GOLGA5: variants seen among roughly 807,000 people sequenced by gnomAD.
GOLGA5 encodes the protein golgin A5.
A neutral mutation model predicts 93.5 loss-of-function variants in GOLGA5; 50 were observed. The ratio of observed to expected loss-of-function variants is 0.53; its 90% CI spans 0.43 to 0.68. GOLGA5 has a LOEUF of 0.68. Among genes scored for constraint, GOLGA5 ranks in the 30% least tolerant of loss-of-function variants. The probability of loss-of-function intolerance (pLI) is 0.00; values close to 1 mark genes in which losing one functional copy is unlikely to be tolerated. For synonymous variants in GOLGA5, 312 were observed against 304.5 expected (o/e 1.02, Z -0.26); for missense variants, 760 against 856.4 (o/e 0.89, Z 1.40).
At chr14:92,812,120 C>CT (rs1310887744) in intron 6 of GOLGA5, among the ~76,000 whole-genome samples, 1 of 152,174 alleles carries the variant, frequency 6.6e-6, no homozygotes, top group Non-Finnish European at 1.5e-5. Context: ...TCTCACCCAG[C>CT]TTTTTTTCCC....
At chr14:92,823,498 C>T (rs770118857) in intron 8 of GOLGA5, among the ~76,000 whole-genome samples, 3 of 151,418 alleles carry the variant, frequency 2.0e-5, no homozygotes, top group African/African-American at 4.9e-5. Context: ...ACTGCAGCCT[C>T]GACCTCCTCA....
chr14:92,833,135 C>T lies in GOLGA5; in HGVS notation c.1733C>T (p.Thr578Ile). The change falls in exon 10 of 13, where the codon ACT becomes ATT. Residue 578 changes from threonine (T) to isoleucine (I), a missense_variant. Physicochemically the swap from Thr to Ile is moderately conservative, Grantham distance 89. Transcript: ENST00000163416. ...TTTCTCTTTCAGCTTACCAATAAAA[C>T]TTTAAGCAATAGCAGTCAGTCTGAG... ...QKLRNQLTNK[T>I]LSNSSQSELE... The T allele has an allele frequency of 4.6e-6, 7 of 1,529,968 alleles. No individual in the cohort carries two copies. The highest frequency in any genetic ancestry group is 6.3e-6 in the Non-Finnish European group (7 of 1,104,716). The allele number at this position is 1,529,968 out of a possible 1,614,324, so 94.8% of individuals were successfully genotyped here. A position where few individuals can be genotyped will look rare whatever the true frequency, so the allele number is the denominator to read the frequency against.
At chr14:92,811,509 G>A (rs963552783) in intron 5 of GOLGA5, 42 bp from the exon 6 acceptor site, 3 of 1,257,434 alleles carry the variant, frequency 2.4e-6, no homozygotes, top group African/African-American at 1.5e-5. Flanking sequence ...ATGTTTCAAA[G>A]CTAAATGATA....
chr14:92,833,282 A>G lies in GOLGA5; in HGVS notation c.1880A>G (p.Asn627Ser), dbSNP rs1456574436. 5.0e-6 allele frequency: 8 copies of G among 1,613,986 alleles called. No homozygotes were observed. The South Asian group carries it at 8.8e-5, about 18-fold the overall frequency. The change falls in exon 10 of 13, where the codon AAC (asparagine) becomes AGC (serine). Residue 627 changes from asparagine to serine, a missense_variant. Physicochemically the swap from Asn to Ser is conservative, Grantham distance 46. Transcript: ENST00000163416. ...CTGGAGCGCCTCGAACAGCAGATGA[A>G]CTCCGCCTCTGGAAGTAGTAGTAAT... is the stretch of plus-strand genomic sequence containing the variant. ...FQLERLEQQM[N>S]SASGSSSNGS...
intron 2 of GOLGA5, among the ~76,000 whole-genome samples, chr14:92,803,798 T>G (rs1224843243): frequency 6.6e-6 from 1 of 152,260 alleles, no homozygotes; most frequent in Non-Finnish European, 1.5e-5. Context: ...CTGGCATATA[T>G]TGAATCCTTA....
chr14:92,797,342 C>T (rs1266352540), intron 1 of GOLGA5, 66 bp from the exon 2 acceptor site: 2 of 911,996 alleles, frequency 2.2e-6, no homozygotes, highest in Non-Finnish European at 3.3e-6. Context: ...ACTCCAGAGT[C>T]TGGTCTTAAC....
intron 1 of GOLGA5, among the ~76,000 whole-genome samples, chr14:92,795,857 A>G (rs1382616803): frequency 2.0e-5 from 3 of 152,270 alleles, no homozygotes; most frequent in Non-Finnish European, 2.9e-5. Flanking sequence ...AGTGAAGACC[A>G]AGAACAAGAA....
Position 92,802,727 on chromosome 14 carries a change from A to AATTTATTTATTTTTAATAAATCAATTT in GOLGA5, c.545-3990_545-3964dup, listed in dbSNP as rs1266861229. Reference sequence around the variant, plus strand: ...TTAATATTAATATAGTATACAAATCAATTTATTTATTTTTAATAAATCAAT... The same window carrying AATTTATTTATTTTTAATAAATCAATTT: ...TTAATATTAATATAGTATACAAATCAATTTATTTATTTTTAATAAATCAATTTATTTATTTATTTTTAATAAATCAAT... On this transcript the variant is annotated intron_variant, in intron 2 of 12. Transcript: ENST00000163416. 3.2e-3 allele frequency among the ~76,000 whole-genome samples: 485 copies of AATTTATTTATTTTTAATAAATCAATTT among 151,262 alleles called. 1 individual carries two copies. Among genetic ancestry groups the AATTTATTTATTTTTAATAAATCAATTT allele is most frequent in the Middle Eastern group, 0.014 (4 of 294 alleles).
In GOLGA5 at chr14:92,799,836, AC is replaced by A. The variant is rs1448353400; in HGVS notation, c.544+1857del. 2.7e-5 allele frequency among the ~76,000 whole-genome samples: 4 copies of A among 146,036 alleles called. No homozygotes were observed. In the East Asian group the frequency reaches 8.4e-4, roughly 31 times the overall value. ...TGGCCAGGCTGGTCTTGAACTCCGG[AC>A]CTCAAGTCATCTGCCCACCTTGGCC... On this transcript the variant is annotated intron_variant, in intron 2 of 12. Transcript: ENST00000163416.
At chr14:92,811,930 A>G (rs1213762522) in intron 6 of GOLGA5, among the ~76,000 whole-genome samples, 176 bp downstream of exon 6, 2 of 90,212 alleles carry the variant, frequency 2.2e-5, no homozygotes, top group Non-Finnish European at 4.1e-5. Context: ...TCTTGTTCCT[A>G]CCACTTCTTT....
At chr14:92,809,263 G>A in intron 3 of GOLGA5, 37 bp from the exon 4 acceptor site, 1 of 1,396,570 alleles carries the variant, frequency 7.2e-7, no homozygotes, top group Non-Finnish European at 1.0e-6. Context: ...AATGTGTTTG[G>A]TTTTGCTTGT....
At chr14:92,833,094 A>C (rs368188325) in intron 9 of GOLGA5, 28 bp from the exon 10 acceptor site, 1 of 1,252,614 alleles carries the variant, frequency 8.0e-7, no homozygotes, top group African/African-American at 1.5e-5. Flanking sequence ...ATTTTATGTA[A>C]GAATTTTGTG....
chr14:92,830,421 G>C (rs1002933059), intron 9 of GOLGA5, among the ~76,000 whole-genome samples: 1 of 138,890 alleles, frequency 7.2e-6, no homozygotes, highest in African/African-American at 2.7e-5. Context: ...TTTTTTTTTA[G>C]CTTATCAGAT....
Position 92,833,185 on chromosome 14 carries a change from A to G in GOLGA5, c.1783A>G (p.Thr595Ala), listed in dbSNP as rs542220913. The change falls in exon 10 of 13, where the codon ACA becomes GCA. Residue 595 changes from threonine (T) to alanine (A), a missense_variant. By Grantham distance (58) the Thr-to-Ala change is moderately conservative. Coordinates refer to ENST00000163416, the MANE Select transcript of GOLGA5 (RefSeq NM_005113.4). ...SELENRLHQLTETLIQKQTML... is the reference protein window; with the variant it reads ...SELENRLHQLAETLIQKQTML... Reference sequence around the variant, plus strand: ...GTTAGAAAATCGACTCCATCAGCTAACAGAGACTCTCATCCAGAAACAGAC... The same window carrying G: ...GTTAGAAAATCGACTCCATCAGCTAGCAGAGACTCTCATCCAGAAACAGAC... 6.2e-7 allele frequency: 1 copy of G among 1,613,526 alleles called. No homozygotes were observed. The highest frequency in any genetic ancestry group is 1.7e-5 in the Admixed American group (1 of 60,026).
chr14:92,836,246 G>T (rs946368676), intron 11 of GOLGA5, among the ~76,000 whole-genome samples: 1 of 150,976 alleles, frequency 6.6e-6, no homozygotes, highest in Non-Finnish European at 1.5e-5. Flanking sequence ...ATAACCTACT[G>T]TACCCTTTTT....
In GOLGA5 at chr14:92,839,814, A is replaced by AG. The variant is rs1455114051; in HGVS notation, c.*369dup. On this transcript the variant is annotated 3_prime_UTR_variant, in exon 13 of 13. Transcript: ENST00000163416. ...ATTGTATTTAGTGACAAAAATAAAAAGTTTTTTTTTATAATTCAGTCTGCT... is the reference window on the plus strand; with the variant it reads ...ATTGTATTTAGTGACAAAAATAAAAAGGTTTTTTTTTATAATTCAGTCTGCT... 5.8e-5 allele frequency: 8 copies of AG among 137,042 alleles called. No homozygotes were observed. Among genetic ancestry groups the AG allele is most frequent in the African/African-American group, 9.0e-5 (1 of 11,072 alleles). The allele number at this position is 137,042 out of a possible 1,614,324, so 8.5% of individuals were successfully genotyped here.
At chr14:92,822,071 G>C (rs1392598265) in intron 8 of GOLGA5, among the ~76,000 whole-genome samples, 2 of 152,198 alleles carry the variant, frequency 1.3e-5, no homozygotes, top group East Asian at 3.8e-4. Context: ...TCTTGCAATT[G>C]AAGAGTCCTT....
chr14:92,837,409 G>A lies in GOLGA5; in HGVS notation c.2075G>A (p.Arg692Gln), dbSNP rs762762631. The A allele has an allele frequency of 9.0e-6, 14 of 1,551,262 alleles. No homozygotes were observed. The highest frequency in any genetic ancestry group is 4.5e-5 in the East Asian group (2 of 44,546). The change falls in exon 12 of 13, where the codon CGA (arginine) becomes CAA (glutamine). Residue 692 changes from arginine (R) to glutamine (Q), a missense_variant. Transcript: ENST00000163416. ...AGTATTCGCCTGGGAATTTTTCTCC[G>A]AAGATACCCCATAGCGCGAGTTTTT... ...QFSIRLGIFL[R>Q]RYPIARVFVI...
At chr14:92,827,870 C>G (rs918728029) in intron 9 of GOLGA5, among the ~76,000 whole-genome samples, 2 of 152,228 alleles carry the variant, frequency 1.3e-5, no homozygotes, top group African/African-American at 4.8e-5. Context: ...ACAACATTCC[C>G]TTAAGCCGAA....
Sources: allele counts gnomAD v4.1 joint callset (sites outside exome capture counted in the v4.1 genomes callset), GRCh38; gene constraint gnomAD v4.1.1; transcripts MANE v1.5; gene names NCBI Gene and HGNC (gene_info 2026-07-23, HGNC 2026-07-21).